Variants in WDR3 observed in about 807,000 individuals in gnomAD.
WDR3 encodes WD repeat-containing protein 3.
Under a neutral mutation model 123.7 loss-of-function variants are expected in WDR3, and 81 were observed. The observed-to-expected ratio is 0.65, with a 90% confidence interval of 0.55 to 0.79. The LOEUF (loss-of-function observed/expected upper bound fraction) is 0.79. WDR3 is among the 30% of genes least tolerant of loss of function. WDR3 has a pLI of 0.00. For synonymous variants in WDR3, 390 were observed against 388.8 expected (o/e 1.00, Z -0.04); for missense variants, 1,027 against 1,123.2 (o/e 0.91, Z 1.22).
In WDR3 at chr1:117,961,906, C is replaced by G. The variant is rs1653150865; in HGVS notation, c.*2459C>G. On this transcript the variant is annotated 3_prime_UTR_variant, in exon 27 of 27. Transcript: ENST00000349139. ...CTGCCACCAGGGAGAGGAGTTAATT[C>G]TTGAAAAAAAATTTAATTTTTTATG... The G allele has an allele frequency of 6.6e-6, 1 of 151,982 alleles. No individual in the cohort carries two copies. 9.4% of individuals were successfully genotyped at this position (151,982 alleles called of 1,614,324 possible).
chr1:117,941,135 A>T lies in WDR3; in HGVS notation c.801A>T (p.Ser267=). ...TGCTTCTTCTGTAGCGAATCCTTTC[A>T]TGCAGAAAAGCTGGTTCCATAATGC... is the stretch of plus-strand genomic sequence containing the variant. ...TDEAPEDRIL[S]CRKAGSIMRE... Residue 267 remains serine, a synonymous_variant, in exon 8 of 27, where the codon TCA becomes TCT. Transcript: ENST00000349139. 6.2e-7 allele frequency: 1 copy of T among 1,614,198 alleles called. No homozygotes were observed. The highest frequency in any genetic ancestry group is 8.5e-7 in the Non-Finnish European group (1 of 1,180,026).
chr1:117,945,552 T>C (rs1651351353), intron 11 of WDR3, among the ~76,000 whole-genome samples: 1 of 152,186 alleles, frequency 6.6e-6, no homozygotes, highest in African/African-American at 2.4e-5. Flanking sequence ...ATACCAAATA[T>C]TTAGATATTT....
At chr1:117,931,525 T>C (rs1453084057) in intron 1 of WDR3, among the ~76,000 whole-genome samples, 1 of 152,226 alleles carries the variant, frequency 6.6e-6, no homozygotes, top group Non-Finnish European at 1.5e-5. Flanking sequence ...ACATGTTAAA[T>C]GTGAAACTAT....
chr1:117,946,957 A>AG (rs1337599527), intron 12 of WDR3, among the ~76,000 whole-genome samples: 1 of 151,526 alleles, frequency 6.6e-6, no homozygotes, highest in African/African-American at 2.4e-5. Flanking sequence ...AAAAAAAAAA[A>AG]AAAATGAGTA....
rs1651655956 is a variant in WDR3, at chr1:117,952,410, TA to T, written c.2016+4del. On this transcript the variant is annotated splice_donor_region_variant and intron_variant, in intron 18 of 26. Coordinates refer to ENST00000349139, the MANE Select transcript of WDR3 (RefSeq NM_006784.3). ...TTTGAACACATACAGACTCTGGAGG[TA>T]ACCACATGCCTTCTGTGCTTGCTTG... 3 of 1,609,880 alleles carry T rather than the reference TA, an allele frequency of 1.9e-6. No individual in the cohort carries two copies. The highest frequency in any genetic ancestry group is 2.7e-5 in the African/African-American group (2 of 74,848).
intron 17 of WDR3, 104 bp downstream of exon 17, chr1:117,952,180 G>T: frequency 6.8e-7 from 1 of 1,465,454 alleles, no homozygotes; most frequent in South Asian, 1.2e-5. Context: ...AGTGATACAA[G>T]TTCTAAAATA....
intron 1 of WDR3, among the ~76,000 whole-genome samples, chr1:117,931,800 A>T (rs1650744450): frequency 6.6e-6 from 1 of 152,222 alleles, no homozygotes; most frequent in Non-Finnish European, 1.5e-5. Flanking sequence ...CACCATGTTA[A>T]TATTATCTTT....
Position 117,934,463 on chromosome 1 carries a change from A to C in WDR3, c.172-10A>C. The stretch of plus-strand genomic sequence containing the variant: ...CTCTTCTACATTGTTTTTAATTTTT[A>C]TGATTTCAGATTCTTATCCTTCAGG... On this transcript the variant is annotated splice_polypyrimidine_tract_variant and intron_variant, in intron 2 of 26. Coordinates refer to ENST00000349139, the MANE Select transcript of WDR3 (RefSeq NM_006784.3). The C allele has an allele frequency of 6.2e-7, 1 of 1,612,582 alleles. No homozygotes were observed. The highest frequency in any genetic ancestry group is 8.5e-7 in the Non-Finnish European group (1 of 1,179,558).
Position 117,936,774 on chromosome 1 carries a change from A to G in WDR3, c.387A>G (p.Thr129=), listed in dbSNP as rs1390607863. ...GTATTATTTGATCCCTTTAGGACAC[A>G]GATATTATTGTATGGGATGTGATCA... is the stretch of plus-strand genomic sequence containing the variant. ...GGRLASGSKD[T]DIIVWDVINE... is the part of the protein sequence containing the mutation. The change falls in exon 4 of 27, where the codon ACA becomes ACG. Residue 129 remains threonine, a synonymous_variant. Coordinates refer to ENST00000349139, the MANE Select transcript of WDR3 (RefSeq NM_006784.3). The G allele has an allele frequency of 1.2e-6, 2 of 1,609,570 alleles. No homozygotes were observed. The highest frequency in any genetic ancestry group is 8.5e-7 in the Non-Finnish European group (1 of 1,177,510).
intron 11 of WDR3, among the ~76,000 whole-genome samples, chr1:117,943,902 A>G (rs1183843759): frequency 6.6e-6 from 1 of 152,138 alleles, no homozygotes; most frequent in Non-Finnish European, 1.5e-5. Context: ...TTTAAACTTA[A>G]TAAAAAGCAG....
At chr1:117,946,317 A>G (rs1269052951) in intron 12 of WDR3, 138 bp downstream of exon 12, 2 of 564,060 alleles carry the variant, frequency 3.5e-6, no homozygotes, top group Non-Finnish European at 5.8e-6. Flanking sequence ...TTTATTACAT[A>G]TTTTGTTTAC....
Position 117,948,429 on chromosome 1 carries a change from T to G in WDR3, c.1447T>G (p.Leu483Val), listed in dbSNP as rs114612177. 2,240 of 1,614,042 alleles carry G rather than the reference T, an allele frequency of 1.4e-3. 38 individuals carry two copies. In the African/African-American group the frequency reaches 0.026, roughly 19 times the overall value. ...GACAGGGAAGCTGCAGCTTTATGAC[T>G]TGGCTTCAGGGAATCTGCTGGAGAC... is the stretch of plus-strand genomic sequence containing the variant. Reference protein sequence around the residue: ...TKTGKLQLYDLASGNLLETID... With the variant: ...TKTGKLQLYDVASGNLLETID... Residue 483 changes from leucine to valine, a missense_variant, in exon 13 of 27, where the codon TTG becomes GTG. Leu to Val is a conservative substitution (Grantham distance 32). Transcript: ENST00000349139.
Position 117,962,747 on chromosome 1 carries a change from A to G in WDR3, c.*3300A>G, listed in dbSNP as rs2101386759. 6.6e-6 allele frequency: 1 copy of G among 152,378 alleles called. No homozygotes were observed. The highest frequency in any genetic ancestry group is 2.1e-4 in the South Asian group (1 of 4,830). The allele number at this position is 152,378 out of a possible 1,614,324, so 9.4% of individuals were successfully genotyped here. On this transcript the variant is annotated 3_prime_UTR_variant, in exon 27 of 27. Coordinates refer to ENST00000349139, the MANE Select transcript of WDR3 (RefSeq NM_006784.3). The stretch of plus-strand genomic sequence containing the variant: ...TCATAAATTATATCTCATTCTAAAG[A>G]TATCTAGCAAATCTCCAGCAGAGAT...
intron 1 of WDR3, among the ~76,000 whole-genome samples, chr1:117,932,204 AAATT>A (rs1257460240): frequency 6.6e-6 from 1 of 152,246 alleles, no homozygotes; most frequent in African/African-American, 2.4e-5. Context: ...AAAAGTGCAG[AAATT>A]ATGGCATCTT....
intron 1 of WDR3, among the ~76,000 whole-genome samples, chr1:117,932,189 T>G (rs1380180960): frequency 6.6e-6 from 1 of 152,206 alleles, no homozygotes; most frequent in Non-Finnish European, 1.5e-5. Context: ...TTCAGTGAAT[T>G]TAATAAAAGT....
At chr1:117,939,395 G>A in intron 5 of WDR3, 82 bp from the exon 6 acceptor site, 1 of 1,413,154 alleles carries the variant, frequency 7.1e-7, no homozygotes, top group South Asian at 1.2e-5. Flanking sequence ...TTACTACGGT[G>A]TAACAGACTT....
rs546526870 is a variant in WDR3 at position 117,932,386 on chromosome 1, T to C, written c.-32-902T>C. On this transcript the variant is annotated intron_variant, in intron 1 of 26. Transcript: ENST00000349139. Reference sequence around the variant, plus strand: ...GAAACTTGTTAGAAATGAAAAATTCTAGGCCCTACCTCAGACTTATGAAAT... The same window carrying C: ...GAAACTTGTTAGAAATGAAAAATTCCAGGCCCTACCTCAGACTTATGAAAT... Among the ~76,000 whole-genome samples the C allele has an allele frequency of 1.3e-3, 197 of 152,234 alleles. 4 individuals carry two copies. The highest frequency in any genetic ancestry group is 4.4e-4 in the Non-Finnish European group (30 of 68,034).
intron 1 of WDR3, among the ~76,000 whole-genome samples, chr1:117,931,071 C>T (rs1650699588): frequency 6.6e-6 from 1 of 152,150 alleles, no homozygotes; most frequent in African/African-American, 2.4e-5. Flanking sequence ...CCTCAGCCTC[C>T]CCGAGTGCGT....
In WDR3 at chr1:117,943,641, G is replaced by A. The variant is rs1651264522; in HGVS notation, c.1328+15G>A. 1 of 1,611,014 alleles carries A rather than the reference G, an allele frequency of 6.2e-7. No homozygotes were observed. The highest frequency in any genetic ancestry group is 8.5e-7 in the Non-Finnish European group (1 of 1,177,708). On this transcript the variant is annotated intron_variant, in intron 11 of 26. Coordinates refer to ENST00000349139, the MANE Select transcript of WDR3 (RefSeq NM_006784.3). ...ATATGGAACAGGTTCGTGAAATGAT[G>A]TTTTATATAGCTGTAGTTAGTAGTA...
Sources: allele counts gnomAD v4.1 joint callset (sites outside exome capture counted in the v4.1 genomes callset), GRCh38; gene constraint gnomAD v4.1.1; transcripts MANE v1.5; gene names NCBI Gene and HGNC (gene_info 2026-07-23, HGNC 2026-07-21).